Variants in WASHC5 observed in about 807,000 individuals in gnomAD.
WASHC5 encodes WASH complex subunit strumpellin.
In WASHC5, 101 loss-of-function variants were observed where a neutral mutation model predicts 150.4. That is an observed-to-expected ratio of 0.67 (90% CI 0.57 to 0.79). The LOEUF (loss-of-function observed/expected upper bound fraction) is 0.79, where lower values mean the gene tolerates loss of function less well. Ranked by LOEUF, WASHC5 falls within the 30% of genes least tolerant of loss-of-function variation. The pLI, the probability that WASHC5 is intolerant of heterozygous loss-of-function variation, is 0.00. For missense variants in WASHC5, 1,195 were observed against 1,396.3 expected, an observed-to-expected ratio of 0.86 and a Z score of 2.30; for synonymous variants, 467 against 491.2, an observed-to-expected ratio of 0.95 and a Z score of 0.65.
chr8:125,028,707 G>A lies in WASHC5; in HGVS notation c.3336C>T (p.Ser1112=). 2 of 1,610,538 alleles carry A rather than the reference G, an allele frequency of 1.2e-6. No homozygotes were observed. The highest frequency in any genetic ancestry group is 1.7e-6 in the Non-Finnish European group (2 of 1,176,818). The change falls in exon 28 of 29, where the codon AGC becomes AGT. Residue 1112 remains serine (S), a splice_region_variant and synonymous_variant. Coordinates refer to ENST00000318410, the MANE Select transcript of WASHC5 (RefSeq NM_014846.4). ...CTGCAGGAATTTCAGGTATCTTCTG[G>A]CTGTGATAGAGAACAGTTTAGATCA... is the stretch of plus-strand genomic sequence containing the variant. The part of the protein sequence containing the change: ...FICSTVEQCT[S]QKIPEIPADV...
chr8:125,071,778 A>C (rs1490299596), intron 9 of WASHC5, among the ~76,000 whole-genome samples: 1 of 152,216 alleles, frequency 6.6e-6, no homozygotes, highest in Non-Finnish European at 1.5e-5. Flanking sequence ...GCTTAAAACA[A>C]CACAAATTTA....
At chr8:125,035,304 C>T (rs1433669501) in intron 26 of WASHC5, among the ~76,000 whole-genome samples, 1 of 151,974 alleles carries the variant, frequency 6.6e-6, no homozygotes, top group African/African-American at 2.4e-5. Flanking sequence ...AGCAGCTTTA[C>T]AATCAAGGTG....
intron 9 of WASHC5, 49 bp from the exon 10 acceptor site, chr8:125,067,768 C>A: frequency 6.3e-7 from 1 of 1,581,708 alleles, no homozygotes. Flanking sequence ...TAGAAAATAT[C>A]TATGAAATAA....
chr8:125,074,344 A>G (rs1816988448), intron 8 of WASHC5, among the ~76,000 whole-genome samples: 1 of 152,224 alleles, frequency 6.6e-6, no homozygotes, highest in Non-Finnish European at 1.5e-5. Flanking sequence ...TGAATAAAAC[A>G]TGATGAAGTT....
At chr8:125,080,825 G>A (rs1384327160) in intron 5 of WASHC5, among the ~76,000 whole-genome samples, 3 of 152,176 alleles carry the variant, frequency 2.0e-5, no homozygotes, top group African/African-American at 7.2e-5. Context: ...GATATGTGCT[G>A]TTGCTTGATT....
In WASHC5 at chr8:125,024,543, T is replaced by C. The variant is rs1815317575; in HGVS notation, c.*74A>G. 4 of 1,179,490 alleles carry C rather than the reference T, an allele frequency of 3.4e-6. No homozygotes were observed. Among genetic ancestry groups the C allele is most frequent in the Non-Finnish European group, 5.1e-6 (4 of 784,922 alleles). 73.1% of individuals were successfully genotyped at this position (1,179,490 alleles called of 1,614,324 possible). ...AGTTGTATGAGCAACTGAGTTTCTT[T>C]TCATCTTCAAATTCATTTGTGATGG... On this transcript the variant is annotated 3_prime_UTR_variant, in exon 29 of 29. Transcript: ENST00000318410.
chr8:125,083,242 T>C lies in WASHC5; in HGVS notation c.203A>G (p.Glu68Gly), dbSNP rs1817323854. ...CTCTGGCTTAGCATCCAGTTTGCTTTCCCATAATTCTGGACCCTGAGAAAA... is the reference window on the plus strand; with the variant it reads ...CTCTGGCTTAGCATCCAGTTTGCTTCCCCATAATTCTGGACCCTGAGAAAA... ...FSYFKGPELW[E>G]SKLDAKPELQ... is the part of the protein sequence containing the mutation. Residue 68 changes from glutamate to glycine, a missense_variant, in exon 3 of 29, where the codon GAA (glutamate) becomes GGA (glycine). Around this residue, in one of 3 missense-constraint regions of WASHC5, gnomAD observed 195 missense variants for 206.9 expected, o/e 0.94. Transcript: ENST00000318410. 1 of 1,613,264 alleles carries C rather than the reference T, an allele frequency of 6.2e-7. No individual in the cohort carries two copies. Among genetic ancestry groups the C allele is most frequent in the Admixed American group, 1.7e-5 (1 of 59,976 alleles).
chr8:125,035,181 T>C lies in WASHC5; in HGVS notation c.3181+2056A>G, dbSNP rs148294100. Among the ~76,000 whole-genome samples the C allele has an allele frequency of 3.7e-3, 560 of 152,350 alleles. 1 individual carries two copies. Among genetic ancestry groups the C allele is most frequent in the African/African-American group, 0.013 (524 of 41,580 alleles). ...TTCCTGCATTAACACATCAGTCTTA[T>C]TGATGAGAAGAATTATAGTCAGTTA... On this transcript the variant is annotated intron_variant, in intron 26 of 28. Transcript: ENST00000318410.
In WASHC5 at chr8:125,057,971, C is replaced by T. The variant is rs80038102; in HGVS notation, c.1765-305G>A. ...GGGTGCGGCCCAGCAATCTGTGTTA[C>T]AACCAGCCCCGCAGGTGATTCTGAT... is the stretch of plus-strand genomic sequence containing the variant. On this transcript the variant is annotated intron_variant, in intron 14 of 28. Coordinates refer to ENST00000318410, the MANE Select transcript of WASHC5 (RefSeq NM_014846.4). Among the ~76,000 whole-genome samples the T allele has an allele frequency of 2.9e-3, 444 of 152,118 alleles. 4 individuals are homozygous for T. Among genetic ancestry groups the T allele is most frequent in the African/African-American group, 0.01 (421 of 41,486 alleles).
chr8:125,039,844 A>G lies in WASHC5; in HGVS notation c.2905T>C (p.Cys969Arg). Residue 969 changes from cysteine to arginine, a missense_variant, in exon 24 of 29, where the codon TGT becomes CGT. This residue lies in a region of WASHC5 where 997 missense variants were observed against 1,168.1 expected (regional missense o/e 0.85). Transcript: ENST00000318410. ...QQIANELNYSCRFDSKHLAAA... is the reference protein window; with the variant it reads ...QQIANELNYSRRFDSKHLAAA... The stretch of plus-strand genomic sequence containing the variant: ...GCCAGATGTTTAGAATCAAACCGAC[A>G]AGAATAATTTAATTCATTGGCAATC... The G allele has an allele frequency of 1.2e-6, 2 of 1,614,092 alleles. No homozygotes were observed. Among genetic ancestry groups the G allele is most frequent in the Middle Eastern group, 1.7e-4 (1 of 6,056 alleles).
intron 9 of WASHC5, among the ~76,000 whole-genome samples, chr8:125,070,387 A>T (rs1329917648): frequency 6.6e-6 from 1 of 152,238 alleles, no homozygotes; most frequent in Admixed American, 6.5e-5. Flanking sequence ...CAAACGCAAA[A>T]GACAAATGTG....
chr8:125,077,612 A>C (rs1817104743), intron 6 of WASHC5, among the ~76,000 whole-genome samples: 1 of 152,174 alleles, frequency 6.6e-6, no homozygotes, highest in Non-Finnish European at 1.5e-5. Flanking sequence ...AATGAGAGGC[A>C]ATCAGGAATG....
intron 4 of WASHC5, among the ~76,000 whole-genome samples, 191 bp downstream of exon 4, chr8:125,082,192 C>G (rs544681088): frequency 6.6e-6 from 1 of 152,306 alleles, no homozygotes; most frequent in African/African-American, 2.4e-5. Flanking sequence ...TAACTTTTAA[C>G]TGTTTTAAAT....
At chr8:125,029,207 AT>A (rs1490515617) in intron 27 of WASHC5, among the ~76,000 whole-genome samples, 1 of 151,978 alleles carries the variant, frequency 6.6e-6, no homozygotes, top group African/African-American at 2.4e-5. Context: ...AATTTTTTGT[AT>A]TTTTAGTAGA....
At chr8:125,052,193 C>T (rs781281822) in intron 17 of WASHC5, among the ~76,000 whole-genome samples, 2 of 152,152 alleles carry the variant, frequency 1.3e-5, no homozygotes, top group Non-Finnish European at 2.9e-5. Flanking sequence ...TCAATGAGTA[C>T]AGAATCAAAG....
chr8:125,075,270 T>C (rs1817019578), intron 7 of WASHC5, among the ~76,000 whole-genome samples, 159 bp from the exon 8 acceptor site: 1 of 152,120 alleles, frequency 6.6e-6, no homozygotes, highest in Admixed American at 6.5e-5. Context: ...TTCCTGATTG[T>C]TAAGTAAGTG....
intron 17 of WASHC5, among the ~76,000 whole-genome samples, chr8:125,052,751 T>C (rs961247153): frequency 1.1e-4 from 16 of 152,260 alleles, no homozygotes; most frequent in East Asian, 3.9e-4. Context: ...GAATGCACCA[T>C]GGAATATTTA....
rs1289602328 is a variant in WASHC5 at position 125,056,714 on chromosome 8, T to C, written c.1979A>G (p.Lys660Arg). ...GCCTAGCTGAGCATAGTCCCTCAGCTTGTCTTTGTCCAGGCGGGTAGGCAC... is the reference window on the plus strand; with the variant it reads ...GCCTAGCTGAGCATAGTCCCTCAGCCTGTCTTTGTCCAGGCGGGTAGGCAC... ...IEVPTRLDKD[K>R]LRDYAQLGPR... The change falls in exon 16 of 29, where the codon AAG becomes AGG. Residue 660 changes from lysine to arginine, a missense_variant. This residue lies in a region of WASHC5 where 997 missense variants were observed against 1,168.1 expected (regional missense o/e 0.85). Coordinates refer to ENST00000318410, the MANE Select transcript of WASHC5 (RefSeq NM_014846.4). The C allele has an allele frequency of 5.6e-6, 9 of 1,614,054 alleles. No homozygotes were observed. In the East Asian group the frequency reaches 1.1e-4, roughly 20 times the overall value.
intron 10 of WASHC5, among the ~76,000 whole-genome samples, chr8:125,066,886 CAGA>C (rs1388069810): frequency 1.2e-4 from 19 of 152,358 alleles, no homozygotes; most frequent in Admixed American, 7.8e-4. Context: ...CAGGCCCCTT[CAGA>C]AGCTCTTGCG....
Sources: gnomAD v4.1 joint callset for allele counts (sites outside exome capture counted in the v4.1 genomes callset) on GRCh38, gnomAD v4.1.1 for gene constraint, gnomAD v4.1.1 regional missense constraint, MANE v1.5 for transcripts, NCBI Gene and HGNC (gene_info 2026-07-23, HGNC 2026-07-21) for gene names.